Variants in MYO16 observed in about 807,000 individuals in gnomAD.
MYO16 encodes myosin XVI.
MYO16 carries 94 observed loss-of-function variants against 205.3 expected under a neutral mutation model. The observed-to-expected ratio is 0.46, with a 90% CI of 0.39 to 0.54. MYO16 has a LOEUF of 0.54. MYO16 is among the 20% of genes least tolerant of loss of function. MYO16 has a pLI of 0.00. For missense variants in MYO16, 2,315 were observed against 2,387.5 expected, an observed-to-expected ratio of 0.97 and a Z score of 0.63; for synonymous variants, 988 against 954.0, an observed-to-expected ratio of 1.04 and a Z score of -0.66.
At chr13:109,169,450 A>T (rs1419220886) in intron 33 of MYO16, among the ~76,000 whole-genome samples, 2 of 152,206 alleles carry the variant, frequency 1.3e-5, no homozygotes, top group Admixed American at 1.3e-4. Flanking sequence ...AAACAATAAG[A>T]TTGAAAATTT....
chr13:109,028,649 G>C (rs539531015), intron 23 of MYO16, among the ~76,000 whole-genome samples: 12 of 150,196 alleles, frequency 8.0e-5, no homozygotes, highest in Admixed American at 1.3e-4. Context: ...AAAACTTACA[G>C]CCACCTTATC....
chr13:108,564,766 G>C, the MYO16 span, among the ~76,000 whole-genome samples: 4 of 152,006 alleles, frequency 2.6e-5, no homozygotes, highest in Admixed American at 2.0e-4. Context: ...GTTTTATTTT[G>C]GTAGTTTCAT....
chr13:108,746,272 A>G (rs1477374381), intron 4 of MYO16, among the ~76,000 whole-genome samples: 1 of 152,194 alleles, frequency 6.6e-6, no homozygotes, highest in Non-Finnish European at 1.5e-5. Context: ...TCCTCAGTAG[A>G]CTGGACATAG....
intron 20 of MYO16, among the ~76,000 whole-genome samples, chr13:108,974,764 A>T (rs550882128): frequency 6.6e-6 from 1 of 152,266 alleles, no homozygotes; most frequent in South Asian, 2.1e-4. Context: ...ATTTTATAAG[A>T]TTATTTTTAA....
At chr13:108,799,164 A>T (rs1886894703) in intron 6 of MYO16, among the ~76,000 whole-genome samples, 1 of 152,206 alleles carries the variant, frequency 6.6e-6, no homozygotes, top group Admixed American at 6.5e-5. Context: ...AAAGAATACA[A>T]CTTCTGTGAT....
At chr13:109,102,972 A>G (rs1283393975) in intron 28 of MYO16, among the ~76,000 whole-genome samples, 3 of 152,142 alleles carry the variant, frequency 2.0e-5, no homozygotes, top group Non-Finnish European at 4.4e-5. Context: ...CACTGAGTAT[A>G]TTTGCTTATG....
the MYO16 span, among the ~76,000 whole-genome samples, chr13:108,500,125 A>G: frequency 0.93 from 140,728 of 150,612 alleles, 65,837 homozygotes; most frequent in Middle Eastern, 0.99. Flanking sequence ...TCCATACCAC[A>G]CCTGACTCCT....
At chr13:108,643,712 T>A (rs1175422810) in intron 1 of MYO16, among the ~76,000 whole-genome samples, 2 of 152,252 alleles carry the variant, frequency 1.3e-5, no homozygotes, top group Non-Finnish European at 2.9e-5. Flanking sequence ...TTTGTGGGCA[T>A]TTATTTGTTT....
intron 34 of MYO16, among the ~76,000 whole-genome samples, chr13:109,203,342 A>G (rs184092727): frequency 1.3e-4 from 20 of 152,288 alleles, no homozygotes; most frequent in Admixed American, 5.9e-4. Context: ...AGCTCAAACA[A>G]ATTAGCAAGA....
At chr13:109,204,648 T>A (rs1185501906) in intron 34 of MYO16, among the ~76,000 whole-genome samples, 1 of 152,238 alleles carries the variant, frequency 6.6e-6, no homozygotes, top group Non-Finnish European at 1.5e-5. Flanking sequence ...TTGAGAATTG[T>A]CTACTCATGT....
At chr13:108,802,578 C>T (rs974021618) in intron 6 of MYO16, among the ~76,000 whole-genome samples, 1 of 152,116 alleles carries the variant, frequency 6.6e-6, no homozygotes, top group African/African-American at 2.4e-5. Context: ...ACTTCCATTC[C>T]TTAGGATATA....
At chr13:109,035,255 C>T (rs1426669045) in intron 23 of MYO16, among the ~76,000 whole-genome samples, 1 of 151,998 alleles carries the variant, frequency 6.6e-6, no homozygotes, top group Non-Finnish European at 1.5e-5. Flanking sequence ...TCAAAAAATG[C>T]TAACTCCCCT....
intron 27 of MYO16, among the ~76,000 whole-genome samples, chr13:109,080,774 G>A (rs143242865): frequency 3.3e-5 from 5 of 152,146 alleles, no homozygotes; most frequent in South Asian, 2.1e-4. Flanking sequence ...AGAGGGATAC[G>A]CTTTTTAAAA....
chr13:108,636,362 TTTTTTTTTGTGTGTGTGTGTG>T (rs1880240482), intron 1 of MYO16, among the ~76,000 whole-genome samples: 2 of 89,938 alleles, frequency 2.2e-5, no homozygotes, highest in African/African-American at 5.2e-5. Flanking sequence ...TTTTTTTTTT[TTTTTTTTTGTGTGTGTGTGTG>T]TGTGTGTGTG....
chr13:108,771,092 G>A (rs1885947470), intron 4 of MYO16, among the ~76,000 whole-genome samples: 1 of 152,084 alleles, frequency 6.6e-6, no homozygotes, highest in South Asian at 2.1e-4. Flanking sequence ...GGACTATAAA[G>A]GGGAGGACTA....
At chr13:108,670,650 C>A (rs1370249610) in intron 2 of MYO16, among the ~76,000 whole-genome samples, 1 of 152,120 alleles carries the variant, frequency 6.6e-6, no homozygotes, top group Non-Finnish European at 1.5e-5. Context: ...ATAAGAACTA[C>A]AAAGAAGGAT....
In MYO16 at chr13:108,646,467, C is replaced by T. The variant is rs188113026; in HGVS notation, c.28+16595C>T. Among the ~76,000 whole-genome samples the T allele has an allele frequency of 9.2e-5, 14 of 152,284 alleles. No homozygotes were observed. In the East Asian group the frequency reaches 1.5e-3, roughly 17 times the overall value. On this transcript the variant is annotated intron_variant, in intron 1 of 34. Coordinates refer to ENST00000457511, the MANE Select transcript of MYO16 (RefSeq NM_001198950.3). ...TCTGTTATGCATTAAGGGAATTCCT[C>T]GTGTCTCTCTTCAACTCATGATTAA...
At chr13:109,039,307 G>T (rs1376956690) in intron 23 of MYO16, among the ~76,000 whole-genome samples, 1 of 152,154 alleles carries the variant, frequency 6.6e-6, no homozygotes, top group African/African-American at 2.4e-5. Context: ...TAGGCAATCG[G>T]CAAGGGTGCA....
chr13:108,747,785 A>G (rs1885112962), intron 4 of MYO16, among the ~76,000 whole-genome samples: 1 of 152,146 alleles, frequency 6.6e-6, no homozygotes, highest in Non-Finnish European at 1.5e-5. Context: ...GTCTACTTGA[A>G]AACCACATTG....
Sources: allele counts gnomAD v4.1 joint callset (sites outside exome capture counted in the v4.1 genomes callset), GRCh38; gene constraint gnomAD v4.1.1; transcripts MANE v1.5; gene names NCBI Gene and HGNC (gene_info 2026-07-23, HGNC 2026-07-21).